Variants in EPM2A observed in about 807,000 individuals in gnomAD.
The protein encoded by EPM2A is laforin.
EPM2A carries 21 observed loss-of-function variants against 26.5 expected under a neutral mutation model. That is an observed-to-expected ratio of 0.79 (90% CI 0.56 to 1.14). The LOEUF (loss-of-function observed/expected upper bound fraction) is 1.14, where lower values mean the gene tolerates loss of function less well. Among genes scored for constraint, EPM2A ranks in the 50% most tolerant of loss-of-function variants. The pLI, the probability that EPM2A is intolerant of heterozygous loss-of-function variation, is 0.00. For synonymous variants in EPM2A, 217 were observed against 177.6 expected (o/e 1.22, Z -1.76); for missense variants, 458 against 440.8 (o/e 1.04, Z -0.35).
chr6:145,616,963 A>C (rs1775526934), intron 2 of EPM2A, among the ~76,000 whole-genome samples: 1 of 152,094 alleles, frequency 6.6e-6, no homozygotes, highest in African/African-American at 2.4e-5. Flanking sequence ...TGGACTTTTG[A>C]GTTAATGCTG....
chr6:145,512,794 C>T (rs1780073981), intron 2 of EPM2A, among the ~76,000 whole-genome samples: 1 of 146,686 alleles, frequency 6.8e-6, no homozygotes, highest in Admixed American at 6.8e-5. Context: ...TCAATAAAAC[C>T]AACAAAAATA....
intron 4 of EPM2A, chr6:145,490,590 A>G (rs1779741446): frequency 1.5e-6 from 1 of 684,374 alleles, no homozygotes; most frequent in Non-Finnish European, 2.8e-6. Context: ...GATGGTAACA[A>G]TTTAGGTGCT....
At chr6:145,562,202 C>T (rs1164542049) in intron 2 of EPM2A, among the ~76,000 whole-genome samples, 1 of 150,606 alleles carries the variant, frequency 6.6e-6, no homozygotes, top group Non-Finnish European at 1.5e-5. Context: ...TATGCATTAC[C>T]TCATAGCCAT....
chr6:145,593,593 A>C (rs562047554), intron 2 of EPM2A, among the ~76,000 whole-genome samples: 12 of 152,212 alleles, frequency 7.9e-5, no homozygotes, highest in African/African-American at 2.6e-4. Flanking sequence ...TTTTCAGAAC[A>C]AAATGGATGT....
At chr6:145,662,446 C>CA (rs144681481) in intron 2 of EPM2A, among the ~76,000 whole-genome samples, 81,966 of 151,748 alleles carry the variant, frequency 0.54, 22,656 homozygotes, top group East Asian at 0.67. Context: ...GAAAATTGTT[C>CA]AAAAAAATCA....
chr6:145,396,593 A>C (rs1476829481), intron 4 of EPM2A, among the ~76,000 whole-genome samples: 1 of 99,668 alleles, frequency 1.0e-5, no homozygotes, highest in Admixed American at 9.4e-5. Context: ...CAGGTACATA[A>C]ACTTTGCAAT....
intron 4 of EPM2A, among the ~76,000 whole-genome samples, chr6:145,465,723 C>T (rs1034458698): frequency 3.3e-5 from 5 of 151,948 alleles, no homozygotes; most frequent in African/African-American, 9.7e-5. Context: ...TTGGAGTACC[C>T]GGCCGTGTGA....
intron 2 of EPM2A, among the ~76,000 whole-genome samples, chr6:145,570,178 C>A (rs905263591): frequency 1.3e-5 from 2 of 152,120 alleles, no homozygotes; most frequent in African/African-American, 4.8e-5. Flanking sequence ...TTTAGGGACA[C>A]CCTCACAGAC....
chr6:145,425,161 T>TTCCTTCCTTC (rs1554235729), intron 4 of EPM2A, among the ~76,000 whole-genome samples: 15 of 43,262 alleles, frequency 3.5e-4, no homozygotes, highest in Non-Finnish European at 7.1e-4. Flanking sequence ...TTCCTTCCTT[T>TTCCTTCCTTC]CCTTCCGTCT....
At chr6:145,559,891 ATT>A (rs1268508251) in intron 2 of EPM2A, among the ~76,000 whole-genome samples, 1 of 152,088 alleles carries the variant, frequency 6.6e-6, no homozygotes, top group African/African-American at 2.4e-5. Context: ...TAAAGCCAGG[ATT>A]TGTTTTGTAA....
chr6:145,703,540 C>T (rs1782050366), intron 1 of EPM2A, among the ~76,000 whole-genome samples: 1 of 152,048 alleles, frequency 6.6e-6, no homozygotes, highest in Non-Finnish European at 1.5e-5. Context: ...TTTAAACAGC[C>T]TAATTTTTCA....
At chr6:145,419,182 C>G (rs761787960) in intron 4 of EPM2A, among the ~76,000 whole-genome samples, 1,968 of 114,048 alleles carry the variant, frequency 0.017, 77 homozygotes, top group Admixed American at 0.028. Flanking sequence ...GTTAAATGTC[C>G]CCCCCCCCCG....
intron 4 of EPM2A, among the ~76,000 whole-genome samples, chr6:145,474,135 A>G (rs1779511037): frequency 6.6e-6 from 1 of 152,162 alleles, no homozygotes; most frequent in Admixed American, 6.6e-5. Context: ...TTAGTACAAT[A>G]AGATATAAAT....
chr6:145,540,500 A>G (rs572698454), intron 2 of EPM2A, among the ~76,000 whole-genome samples: 10 of 152,034 alleles, frequency 6.6e-5, no homozygotes, highest in African/African-American at 2.2e-4. Context: ...ACCTCAACAA[A>G]TTTTTTTCAT....
rs181476509 is a variant in EPM2A at position 145,459,931 on chromosome 6, G to C, written c.555+42591C>G. Among the ~76,000 whole-genome samples the C allele has an allele frequency of 9.2e-5, 14 of 152,162 alleles. 1 individual carries two copies. The highest frequency in any genetic ancestry group is 1.5e-5 in the Non-Finnish European group (1 of 67,988). On this transcript the variant is annotated intron_variant, in intron 4 of 4. Transcript: ENST00000638717. ...TCATCTTTTCCAACCCTCTCATTTA[G>C]CAATTTAGGAAACAGAGGTCCAGAC...
At chr6:145,429,005 C>G (rs899572587) in intron 4 of EPM2A, among the ~76,000 whole-genome samples, 1 of 152,180 alleles carries the variant, frequency 6.6e-6, no homozygotes, top group African/African-American at 2.4e-5. Flanking sequence ...TAACCAAAAG[C>G]GCCAACTGAG....
chr6:145,461,025 T>C (rs1289741874), intron 4 of EPM2A, among the ~76,000 whole-genome samples: 2 of 152,168 alleles, frequency 1.3e-5, no homozygotes, highest in African/African-American at 4.8e-5. Context: ...ATCAAATACT[T>C]TGACTGAATT....
At chr6:145,390,816 T>G (rs1778327428) in intron 4 of EPM2A, among the ~76,000 whole-genome samples, 1 of 143,082 alleles carries the variant, frequency 7.0e-6, no homozygotes, top group African/African-American at 2.5e-5. Context: ...CTGACCAGCC[T>G]CAAACTTAAA....
At chr6:145,653,343 G>T (rs1778028705) in intron 2 of EPM2A, among the ~76,000 whole-genome samples, 2 of 152,168 alleles carry the variant, frequency 1.3e-5, no homozygotes, top group South Asian at 4.1e-4. Flanking sequence ...CTCACCTGCT[G>T]CCATGTAAGA....
Sources: gnomAD v4.1 joint callset for allele counts (sites outside exome capture counted in the v4.1 genomes callset) on GRCh38, gnomAD v4.1.1 for gene constraint, MANE v1.5 for transcripts, NCBI Gene and HGNC (gene_info 2026-07-23, HGNC 2026-07-21) for gene names.